TMEM108: variants seen among roughly 807,000 people sequenced by gnomAD.
The protein encoded by TMEM108 is transmembrane protein 108.
Under a neutral mutation model 35.1 loss-of-function variants are expected in TMEM108, and 12 were observed. That is an observed-to-expected ratio of 0.34 (90% CI 0.22 to 0.55). The LOEUF (loss-of-function observed/expected upper bound fraction) is 0.55. TMEM108 is among the 20% of genes least tolerant of loss of function. The probability of loss-of-function intolerance (pLI) is 0.89; values close to 1 mark genes in which losing one functional copy is unlikely to be tolerated. For synonymous variants in TMEM108, 287 were observed against 308.6 expected, an observed-to-expected ratio of 0.93 and a Z score of 0.73; for missense variants, 680 against 753.3, an observed-to-expected ratio of 0.90 and a Z score of 1.14.
chr3:133,303,635 C>T (rs1947262131), intron 3 of TMEM108, among the ~76,000 whole-genome samples: 1 of 151,810 alleles, frequency 6.6e-6, no homozygotes, highest in Admixed American at 6.6e-5. Flanking sequence ...GAAAGCATGC[C>T]CTAGTCATAA....
intron 2 of TMEM108, among the ~76,000 whole-genome samples, chr3:133,201,591 G>T (rs973305526): frequency 3.5e-4 from 54 of 152,182 alleles, no homozygotes; most frequent in African/African-American, 1.1e-3. Context: ...GAGAATGATG[G>T]TTTACAGCTT....
chr3:133,302,716 G>A (rs67607639), intron 3 of TMEM108, among the ~76,000 whole-genome samples: 19,498 of 151,952 alleles, frequency 0.13, 1,391 homozygotes, highest in South Asian at 0.22. Flanking sequence ...CACCGCCCCC[G>A]GCCAGTATCT....
chr3:133,348,629 A>G (rs1403984768), intron 3 of TMEM108, among the ~76,000 whole-genome samples: 1 of 152,150 alleles, frequency 6.6e-6, no homozygotes, highest in Non-Finnish European at 1.5e-5. Flanking sequence ...GTTCCCTGAC[A>G]TCAACCAGGT....
chr3:133,277,503 C>T (rs1946854845), intron 3 of TMEM108, among the ~76,000 whole-genome samples: 1 of 152,198 alleles, frequency 6.6e-6, no homozygotes, highest in Non-Finnish European at 1.5e-5. Flanking sequence ...AAGGGATAGC[C>T]ATGGGAGAGG....
chr3:133,052,767 T>C (rs1943420753), intron 2 of TMEM108, among the ~76,000 whole-genome samples: 1 of 152,166 alleles, frequency 6.6e-6, no homozygotes, highest in Admixed American at 6.6e-5. Flanking sequence ...TTTGATGGAA[T>C]GAATCATTGT....
At chr3:133,227,325 C>A in intron 2 of TMEM108, among the ~76,000 whole-genome samples, 1 of 150,152 alleles carries the variant, frequency 6.7e-6, no homozygotes, top group Non-Finnish European at 1.5e-5. Flanking sequence ...TCCCAAGTAG[C>A]TGGGACTACA....
chr3:133,093,541 T>C (rs1943974682), intron 2 of TMEM108, among the ~76,000 whole-genome samples: 1 of 152,198 alleles, frequency 6.6e-6, no homozygotes, highest in African/African-American at 2.4e-5. Context: ...TTCTCTGGGC[T>C]AGTTCCATCT....
At chr3:133,329,293 G>A (rs916009647) in intron 3 of TMEM108, among the ~76,000 whole-genome samples, 1 of 152,082 alleles carries the variant, frequency 6.6e-6, no homozygotes, top group Non-Finnish European at 1.5e-5. Flanking sequence ...TTTCCAAGTC[G>A]CCTTCACTAG....
rs866678926 is a variant in TMEM108, at chr3:133,129,340, G to A, written c.-47+83320G>A. ...AGCCTGGGTGACACAGCAAGACTCC[G>A]CACCCACACCCCCCCCCCCAAAAAA... On this transcript the variant is annotated intron_variant, in intron 2 of 5. Transcript: ENST00000321871. Among the ~76,000 whole-genome samples the A allele has an allele frequency of 3.8e-5, 5 of 130,700 alleles. No individual in the cohort carries two copies. In the East Asian group the frequency reaches 6.3e-4, roughly 16 times the overall value. The allele number at this position is 130,700 out of a possible 152,430, so 85.7% of individuals were successfully genotyped here.
At chr3:133,137,946 T>G (rs917881005) in intron 2 of TMEM108, among the ~76,000 whole-genome samples, 1 of 152,224 alleles carries the variant, frequency 6.6e-6, no homozygotes, top group African/African-American at 2.4e-5. Context: ...AATCACTTGC[T>G]TGAACAAGCA....
At chr3:133,369,604 A>C (rs2072598754) in intron 3 of TMEM108, among the ~76,000 whole-genome samples, 1 of 152,310 alleles carries the variant, frequency 6.6e-6, no homozygotes, top group South Asian at 2.1e-4. Context: ...TTTGAATTAG[A>C]ATGTTTAAAA....
At chr3:133,374,693 T>C (rs2072782643) in intron 3 of TMEM108, among the ~76,000 whole-genome samples, 1 of 152,110 alleles carries the variant, frequency 6.6e-6, no homozygotes, top group Non-Finnish European at 1.5e-5. Flanking sequence ...AGTCCTTTTA[T>C]TGTACTACTA....
At chr3:133,306,464 C>T (rs2071039369) in intron 3 of TMEM108, among the ~76,000 whole-genome samples, 1 of 152,038 alleles carries the variant, frequency 6.6e-6, no homozygotes, top group African/African-American at 2.4e-5. Context: ...TTTGCTGCAC[C>T]CATTAACTTG....
At chr3:133,167,746 G>T (rs1012674370) in intron 2 of TMEM108, among the ~76,000 whole-genome samples, 1 of 152,184 alleles carries the variant, frequency 6.6e-6, no homozygotes, top group Non-Finnish European at 1.5e-5. Flanking sequence ...AGCACCGCAT[G>T]CAGCCCCAGT....
intron 2 of TMEM108, among the ~76,000 whole-genome samples, chr3:133,209,657 G>T (rs1385532326): frequency 6.6e-6 from 1 of 152,130 alleles, no homozygotes; most frequent in Non-Finnish European, 1.5e-5. Flanking sequence ...TCCCCAGCGG[G>T]GAAGGAGGTT....
chr3:133,395,005 T>C (rs2073285532), intron 5 of TMEM108, among the ~76,000 whole-genome samples: 1 of 152,226 alleles, frequency 6.6e-6, no homozygotes, highest in African/African-American at 2.4e-5. Flanking sequence ...GCTATGACTT[T>C]CTTTTTTTCT....
At chr3:133,065,936 T>C (rs1576300205) in intron 2 of TMEM108, among the ~76,000 whole-genome samples, 1 of 152,306 alleles carries the variant, frequency 6.6e-6, no homozygotes, top group East Asian at 1.9e-4. Flanking sequence ...TGGGTAAATA[T>C]ACTCTCTAAG....
At chr3:133,206,953 A>G (rs10935052) in intron 2 of TMEM108, among the ~76,000 whole-genome samples, 50,384 of 152,100 alleles carry the variant, frequency 0.33, 8,884 homozygotes, top group East Asian at 0.46. Context: ...AATTTTATCT[A>G]TAAGTTCCTG....
intron 2 of TMEM108, among the ~76,000 whole-genome samples, chr3:133,219,287 T>C (rs1302892342): frequency 6.6e-6 from 1 of 152,064 alleles, no homozygotes; most frequent in Non-Finnish European, 1.5e-5. Context: ...TAAAAGTTTG[T>C]TGATTACCAC....
Sources: gnomAD v4.1 joint callset for allele counts (sites outside exome capture counted in the v4.1 genomes callset) on GRCh38, gnomAD v4.1.1 for gene constraint, MANE v1.5 for transcripts, NCBI Gene and HGNC (gene_info 2026-07-23, HGNC 2026-07-21) for gene names.